The following SDK1 variants were observed in gnomAD, a reference collection of about 807,000 sequenced individuals.
The protein encoded by SDK1 is sidekick cell adhesion molecule 1, also known as protein sidekick-1.
A neutral mutation model predicts 245.5 loss-of-function variants in SDK1; 157 were observed. The observed-to-expected ratio is 0.64, with a 90% CI of 0.56 to 0.73. The LOEUF is 0.73. SDK1 is among the 30% of genes least tolerant of loss of function. SDK1 has a pLI of 0.00. For missense variants in SDK1, 3,583 were observed against 3,002.3 expected (o/e 1.19, Z -4.52); for synonymous variants, 1,647 against 1,278.5 (o/e 1.29, Z -6.15).
chr7:3,958,534 G>A (rs541038595), intron 7 of SDK1, among the ~76,000 whole-genome samples: 4 of 152,278 alleles, frequency 2.6e-5, no homozygotes, highest in Admixed American at 6.5e-5. Flanking sequence ...CCCAATACAG[G>A]CTGCACACCT....
At chr7:3,663,304 T>A (rs991450417) in intron 4 of SDK1, among the ~76,000 whole-genome samples, 1 of 152,168 alleles carries the variant, frequency 6.6e-6, no homozygotes, top group Non-Finnish European at 1.5e-5. Flanking sequence ...TGTTTTCAAG[T>A]GGGATAATTG....
At chr7:3,870,074 A>C (rs931049777) in intron 5 of SDK1, among the ~76,000 whole-genome samples, 3 of 152,228 alleles carry the variant, frequency 2.0e-5, no homozygotes, top group Non-Finnish European at 2.9e-5. Context: ...AAATGATCAA[A>C]ATAATAAAAG....
chr7:3,559,198 C>G (rs954277723), intron 1 of SDK1, among the ~76,000 whole-genome samples: 1 of 152,046 alleles, frequency 6.6e-6, no homozygotes, highest in Admixed American at 6.6e-5. Context: ...AATAAAATTC[C>G]AAACAGAATA....
At chr7:3,467,528 A>T (rs1252182315) in intron 1 of SDK1, among the ~76,000 whole-genome samples, 1 of 129,862 alleles carries the variant, frequency 7.7e-6, no homozygotes, top group Non-Finnish European at 1.5e-5. Context: ...GTTTATCTGA[A>T]TAGATTTTTT....
At chr7:4,066,401 G>A (rs1487669935) in intron 19 of SDK1, among the ~76,000 whole-genome samples, 1 of 152,176 alleles carries the variant, frequency 6.6e-6, no homozygotes, top group Non-Finnish European at 1.5e-5. Context: ...CCTGACTTAG[G>A]GAATGGGAGT....
intron 5 of SDK1, among the ~76,000 whole-genome samples, chr7:3,935,127 C>A (rs1192883321): frequency 6.6e-6 from 1 of 152,154 alleles, no homozygotes; most frequent in Non-Finnish European, 1.5e-5. Flanking sequence ...TGGGTACTTG[C>A]AAAAAGCCCT....
intron 18 of SDK1, among the ~76,000 whole-genome samples, chr7:4,049,681 T>G (rs1191663134): frequency 1.3e-5 from 2 of 152,220 alleles, no homozygotes; most frequent in Non-Finnish European, 2.9e-5. Context: ...GGTTCATACA[T>G]CAGTGAGCAA....
intron 34 of SDK1, among the ~76,000 whole-genome samples, chr7:4,176,455 C>T (rs899031285): frequency 5.3e-5 from 8 of 152,184 alleles, no homozygotes; most frequent in African/African-American, 1.9e-4. Context: ...AGGCGTGAGC[C>T]ACTGCACCCA....
chr7:4,261,974 C>G (rs1299716804), intron 44 of SDK1, among the ~76,000 whole-genome samples: 1 of 148,920 alleles, frequency 6.7e-6, no homozygotes, highest in Non-Finnish European at 1.5e-5. Context: ...GAAACCTCCA[C>G]CTTCTTAGGG....
In SDK1 at chr7:3,566,224, C is replaced by CT. The variant is rs568790658; in HGVS notation, c.299-52838dup. Among the ~76,000 whole-genome samples, 1,037 of 125,388 alleles carry CT rather than the reference C, an allele frequency of 8.3e-3. 21 individuals are homozygous for CT. Among genetic ancestry groups the CT allele is most frequent in the African/African-American group, 0.015 (511 of 33,306 alleles). 82.3% of individuals were successfully genotyped at this position (125,388 alleles called of 152,430 possible). A position where few individuals can be genotyped will look rare whatever the true frequency, so the allele number is the denominator to read the frequency against. ...TTTTTGGGAACTTGATAAACTTCTT[C>CT]TTTTTTTTTTTTTTTTTTGAGATGG... On this transcript the variant is annotated intron_variant, in intron 1 of 44. Coordinates refer to ENST00000404826, the MANE Select transcript of SDK1 (RefSeq NM_152744.4).
In SDK1 at chr7:3,518,446, A is replaced by G. The variant is rs565016074; in HGVS notation, c.299-100634A>G. Among the ~76,000 whole-genome samples the G allele has an allele frequency of 4.6e-5, 7 of 152,080 alleles. No homozygotes were observed. The South Asian group carries it at 1.2e-3, about 27-fold the overall frequency. ...TTGCAAACTGTTCATCTCAAAGGGA[A>G]CTAATATCCAGAATGTACTAGGAAC... is the stretch of plus-strand genomic sequence containing the variant. On this transcript the variant is annotated intron_variant, in intron 1 of 44. Coordinates refer to ENST00000404826, the MANE Select transcript of SDK1 (RefSeq NM_152744.4).
intron 1 of SDK1, among the ~76,000 whole-genome samples, chr7:3,473,219 C>G (rs1042570883): frequency 2.6e-5 from 4 of 152,176 alleles, no homozygotes; most frequent in Non-Finnish European, 4.4e-5. Context: ...AGCAGGACCT[C>G]AAACCCAAAT....
chr7:3,825,097 T>C (rs1779737548), intron 5 of SDK1, among the ~76,000 whole-genome samples: 1 of 152,094 alleles, frequency 6.6e-6, no homozygotes, highest in African/African-American at 2.4e-5. Context: ...GCATCCTGCA[T>C]GAATTTTTCA....
intron 26 of SDK1, among the ~76,000 whole-genome samples, chr7:4,129,209 G>A (rs1475213359): frequency 6.8e-6 from 1 of 147,028 alleles, no homozygotes; most frequent in Non-Finnish European, 1.5e-5. Flanking sequence ...AGAGCAGCTC[G>A]GGGTGGGGTC....
intron 4 of SDK1, among the ~76,000 whole-genome samples, chr7:3,686,491 G>C (rs1457743690): frequency 6.6e-6 from 1 of 152,202 alleles, no homozygotes; most frequent in Non-Finnish European, 1.5e-5. Context: ...GGCTGTACAA[G>C]GACACATATG....
At chr7:3,575,988 C>G (rs1020968425) in intron 1 of SDK1, among the ~76,000 whole-genome samples, 7 of 151,932 alleles carry the variant, frequency 4.6e-5, no homozygotes, top group East Asian at 3.9e-4. Context: ...GCTTTCTGCT[C>G]TTGTGAAATA....
intron 1 of SDK1, among the ~76,000 whole-genome samples, chr7:3,483,995 G>A (rs1287379428): frequency 2.0e-5 from 3 of 152,190 alleles, no homozygotes; most frequent in East Asian, 3.8e-4. Flanking sequence ...CGCATATGAT[G>A]TGTAATAAAT....
At chr7:3,984,544 A>G (rs1783671008) in intron 13 of SDK1, among the ~76,000 whole-genome samples, 2 of 152,134 alleles carry the variant, frequency 1.3e-5, no homozygotes, top group Admixed American at 1.3e-4. Context: ...CAGGTCACCC[A>G]TTTCTGTTGT....
intron 4 of SDK1, among the ~76,000 whole-genome samples, chr7:3,674,809 C>T (rs1783838706): frequency 6.6e-6 from 1 of 152,094 alleles, no homozygotes; most frequent in South Asian, 2.1e-4. Context: ...GGACAGAGAT[C>T]CACAAGATTG....
Sources: gnomAD v4.1 joint callset for allele counts (sites outside exome capture counted in the v4.1 genomes callset) on GRCh38, gnomAD v4.1.1 for gene constraint, MANE v1.5 for transcripts, NCBI Gene and HGNC (gene_info 2026-07-23, HGNC 2026-07-21) for gene names.